The following DIP2C variants were observed in gnomAD, a reference collection of about 807,000 sequenced individuals.
The protein encoded by DIP2C is disco-interacting protein 2 homolog C.
In DIP2C, 33 loss-of-function variants were observed where a neutral mutation model predicts 192.4. The observed-to-expected ratio is 0.17, with a 90% CI of 0.13 to 0.23. The LOEUF is 0.23. DIP2C is among the 10% of genes least tolerant of loss of function. The pLI is 1.00. For missense variants in DIP2C, 1,537 were observed against 2,110.1 expected (o/e 0.73, Z 5.32); for synonymous variants, 979 against 864.1 (o/e 1.13, Z -2.33).
chr10:362,590 T>C lies in DIP2C; in HGVS notation c.2694A>G (p.Thr898=). The C allele has an allele frequency of 6.2e-7, 1 of 1,614,202 alleles. No individual in the cohort carries two copies. The highest frequency in any genetic ancestry group is 8.5e-7 in the Non-Finnish European group (1 of 1,180,036). The change falls in exon 22 of 37, where the codon ACA becomes ACG. Residue 898 remains threonine (T), a synonymous_variant. Transcript: ENST00000280886. ...TPLGGIHLSE[T]KQLFLEGSLH... ...GAGAGCCCTCCAGAAAAAGCTGTTT[T>C]GTTTCTGATAAATGGATCCCACCAA...
intron 1 of DIP2C, among the ~76,000 whole-genome samples, chr10:548,243 G>A (rs1393692463): frequency 2.1e-5 from 3 of 141,372 alleles, no homozygotes; most frequent in Non-Finnish European, 4.5e-5. Context: ...GGTGGTCAGG[G>A]CTCAGGGCCC....
intron 3 of DIP2C, among the ~76,000 whole-genome samples, chr10:441,723 C>A (rs554496177): frequency 6.6e-6 from 1 of 152,308 alleles, no homozygotes; most frequent in Non-Finnish European, 1.5e-5. Flanking sequence ...CCAATTAAAC[C>A]TTTTTATTCC....
chr10:411,764 C>G (rs114809088), intron 8 of DIP2C, among the ~76,000 whole-genome samples: 2 of 152,178 alleles, frequency 1.3e-5, no homozygotes, highest in Admixed American at 6.5e-5. Flanking sequence ...TCTCATTCGA[C>G]GAGCTTGTTT....
intron 10 of DIP2C, among the ~76,000 whole-genome samples, chr10:391,281 C>CTTTAA (rs992981710): frequency 6.8e-6 from 1 of 146,476 alleles, no homozygotes; most frequent in African/African-American, 2.5e-5. Flanking sequence ...AGTGCCTGAT[C>CTTTAA]TTTAAAACAC....
intron 1 of DIP2C, among the ~76,000 whole-genome samples, chr10:601,501 T>C (rs1325149508): frequency 6.6e-6 from 1 of 152,236 alleles, no homozygotes; most frequent in Non-Finnish European, 1.5e-5. Flanking sequence ...CAATTCTACC[T>C]GAAGCTGGGA....
intron 17 of DIP2C, among the ~76,000 whole-genome samples, chr10:379,425 A>G (rs1254836193): frequency 6.6e-6 from 1 of 152,060 alleles, no homozygotes; most frequent in African/African-American, 2.4e-5. Context: ...TGCAAGAGTG[A>G]TATGAAGATA....
intron 1 of DIP2C, among the ~76,000 whole-genome samples, chr10:496,890 C>A (rs1297129746): frequency 1.3e-5 from 2 of 152,168 alleles, no homozygotes; most frequent in African/African-American, 4.8e-5. Flanking sequence ...TATGGAAGGC[C>A]GAGGCGGGCA....
intron 36 of DIP2C, 108 bp from the exon 37 acceptor site, chr10:277,685 C>A (rs939209492): frequency 6.9e-6 from 10 of 1,441,110 alleles, no homozygotes; most frequent in Non-Finnish European, 9.4e-6. Context: ...GAGCACTGCC[C>A]GACAGTCTCC....
intron 1 of DIP2C, chr10:662,065 C>T (rs774590065): frequency 3.6e-5 from 26 of 717,126 alleles, no homozygotes; most frequent in Non-Finnish European, 6.5e-5. Flanking sequence ...GCATACCGCA[C>T]ATCAAAGGCA....
chr10:561,543 C>T (rs1025589851), intron 1 of DIP2C, among the ~76,000 whole-genome samples: 1 of 152,196 alleles, frequency 6.6e-6, no homozygotes, highest in African/African-American at 2.4e-5. Context: ...AAGTTTACTC[C>T]TCTAAAACCA....
intron 1 of DIP2C, among the ~76,000 whole-genome samples, chr10:681,322 G>T (rs1249690451): frequency 6.6e-6 from 1 of 151,288 alleles, no homozygotes; most frequent in African/African-American, 2.4e-5. Flanking sequence ...ACATGGTATG[G>T]CCACCGCCTG....
intron 9 of DIP2C, among the ~76,000 whole-genome samples, chr10:399,665 T>C (rs1451665995): frequency 6.6e-6 from 1 of 152,218 alleles, no homozygotes; most frequent in African/African-American, 2.4e-5. Flanking sequence ...TGAGCCTTAG[T>C]GTTCTTCTCT....
intron 17 of DIP2C, among the ~76,000 whole-genome samples, chr10:371,124 G>T (rs890860730): frequency 6.6e-6 from 1 of 151,716 alleles, no homozygotes; most frequent in Non-Finnish European, 1.5e-5. Flanking sequence ...GAAAACACAG[G>T]TGTTGTCAGT....
intron 36 of DIP2C, among the ~76,000 whole-genome samples, chr10:279,938 G>A (rs1308623088): frequency 1.3e-5 from 2 of 152,220 alleles, no homozygotes; most frequent in African/African-American, 4.8e-5. Context: ...GGTCACACAA[G>A]CCAATTAAAA....
rs541689238 is a variant in DIP2C, at chr10:539,898, C to A, written c.86-53368G>T. Among the ~76,000 whole-genome samples, 7 of 152,258 alleles carry A rather than the reference C, an allele frequency of 4.6e-5. No individual in the cohort carries two copies. In the South Asian group the frequency reaches 1.5e-3, roughly 32 times the overall value. ...AAAAACATGGGATTTCAACGCTAAC[C>A]AGTATAAAACACATTACAAACCCCT... On this transcript the variant is annotated intron_variant, in intron 1 of 36. Transcript: ENST00000280886.
chr10:321,583 G>GGGT (rs1269547512), intron 31 of DIP2C, among the ~76,000 whole-genome samples: 5 of 144,592 alleles, frequency 3.5e-5, no homozygotes, highest in African/African-American at 1.4e-4. Context: ...GGGGGTGCGG[G>GGGT]GCTCCAGCGA....
intron 17 of DIP2C, among the ~76,000 whole-genome samples, chr10:378,219 G>GA (rs369445620): frequency 1.3e-5 from 2 of 152,158 alleles, no homozygotes; most frequent in East Asian, 1.9e-4. Context: ...GTTTTAAAGA[G>GA]AAAAAAATAC....
At chr10:348,835 A>G (rs1156356842) in intron 25 of DIP2C, 73 bp from the exon 26 acceptor site, 5 of 1,573,054 alleles carry the variant, frequency 3.2e-6, no homozygotes, top group Non-Finnish European at 4.3e-6. Context: ...GTCAGCATCA[A>G]TGCTTGTCTG....
rs575420197 is a variant in DIP2C, at chr10:469,871, C to T, written c.268+2568G>A. On this transcript the variant is annotated intron_variant, in intron 3 of 36. Transcript: ENST00000280886. ...TTCTTGCCGTTCCCCAAATGTGTCA[C>T]ACTCCCTCATCTTCCTTCAAAATAT... Among the ~76,000 whole-genome samples the T allele has an allele frequency of 1.3e-4, 20 of 152,304 alleles. No homozygotes were observed. In the South Asian group the frequency reaches 2.3e-3, roughly 17 times the overall value.
Sources: allele counts gnomAD v4.1 joint callset (sites outside exome capture counted in the v4.1 genomes callset), GRCh38; gene constraint gnomAD v4.1.1; transcripts MANE v1.5; gene names NCBI Gene and HGNC (gene_info 2026-07-23, HGNC 2026-07-21).